The following SPAG17 variants were observed in gnomAD, a reference collection of about 807,000 sequenced individuals.
The protein encoded by SPAG17 is sperm-associated antigen 17.
SPAG17 carries 169 observed loss-of-function variants against 273.6 expected under a neutral mutation model. The observed-to-expected ratio is 0.62, with a 90% CI of 0.55 to 0.70. The LOEUF is 0.70. Among genes scored for constraint, SPAG17 ranks in the 30% least tolerant of loss-of-function variants. SPAG17 has a pLI of 0.00. For missense variants in SPAG17, 2,557 were observed against 2,627.8 expected (o/e 0.97, Z 0.59); for synonymous variants, 825 against 873.2 (o/e 0.94, Z 0.97).
Position 117,996,604 on chromosome 1 carries a change from A to T in SPAG17, c.4916T>A (p.Val1639Asp), listed in dbSNP as rs548598350. 1.2e-6 allele frequency: 2 copies of T among 1,610,320 alleles called. No individual in the cohort carries two copies. Among genetic ancestry groups the T allele is most frequent in the African/African-American group, 1.3e-5 (1 of 74,744 alleles). Residue 1639 changes from valine to aspartate, a missense_variant, in exon 33 of 49, where the codon GTC (valine) becomes GAC (aspartate). Physicochemically the swap from Val to Asp is radical, Grantham distance 152. Coordinates refer to ENST00000336338, the MANE Select transcript of SPAG17 (RefSeq NM_206996.4). Reference protein sequence around the residue: ...KNHQQIYGEHVPRFFVMYADG... With the variant: ...KNHQQIYGEHDPRFFVMYADG... The stretch of plus-strand genomic sequence containing the variant: ...TATAGTATTATTCTTTTACCTGGGG[A>T]CATGTTCACCATAGATTTGCTGATG...
intron 4 of SPAG17, among the ~76,000 whole-genome samples, chr1:118,112,133 C>T (rs1205048320): frequency 2.0e-5 from 3 of 151,180 alleles, no homozygotes; most frequent in Non-Finnish European, 4.4e-5. Flanking sequence ...TTTTAATTAT[C>T]AAGTGTTTTC....
intron 34 of SPAG17, among the ~76,000 whole-genome samples, chr1:117,995,949 A>G (rs1374109231): frequency 2.6e-5 from 4 of 152,134 alleles, no homozygotes; most frequent in African/African-American, 9.7e-5. Flanking sequence ...TCAGGTTGGC[A>G]TTATAACTCA....
At chr1:118,003,211 G>A (rs1468392660) in intron 32 of SPAG17, among the ~76,000 whole-genome samples, 1 of 152,194 alleles carries the variant, frequency 6.6e-6, no homozygotes, top group East Asian at 1.9e-4. Flanking sequence ...AGTCTGATGG[G>A]CTTCCCTTTG....
In SPAG17 at chr1:118,071,154, C is replaced by T. The variant is rs114891829; in HGVS notation, c.2385+2700G>A. Among the ~76,000 whole-genome samples the T allele has an allele frequency of 4.2e-3, 646 of 152,014 alleles. 4 individuals are homozygous for T. The highest frequency in any genetic ancestry group is 0.015 in the African/African-American group (614 of 41,468). On this transcript the variant is annotated intron_variant, in intron 17 of 48. Transcript: ENST00000336338. ...CAGTTATTGACAACCCCCCACCCCACCTCATATAGCACTTCCTATCATATT... is the reference window on the plus strand; with the variant it reads ...CAGTTATTGACAACCCCCCACCCCATCTCATATAGCACTTCCTATCATATT...
chr1:118,026,184 G>A (rs552176419), intron 26 of SPAG17, among the ~76,000 whole-genome samples: 61 of 152,068 alleles, frequency 4.0e-4, no homozygotes, highest in Non-Finnish European at 6.9e-4. Flanking sequence ...CAAAGTTAAC[G>A]TTAAAATAAT....
chr1:118,116,821 C>T (rs1657107291), intron 3 of SPAG17, among the ~76,000 whole-genome samples: 1 of 152,154 alleles, frequency 6.6e-6, no homozygotes, highest in Non-Finnish European at 1.5e-5. Context: ...AGTCAGAAAT[C>T]CCTGCAAGGA....
At chr1:118,106,993 C>T (rs573636276) in intron 4 of SPAG17, among the ~76,000 whole-genome samples, 3 of 152,226 alleles carry the variant, frequency 2.0e-5, no homozygotes, top group East Asian at 1.9e-4. Context: ...GAAAGGAGGG[C>T]GGACTACAAC....
At chr1:118,174,549 G>A (rs1305809940) in intron 1 of SPAG17, among the ~76,000 whole-genome samples, 5 of 152,158 alleles carry the variant, frequency 3.3e-5, no homozygotes, top group African/African-American at 1.2e-4. Flanking sequence ...AGTGAAAGAG[G>A]TAGAGAGATT....
chr1:118,062,051 G>A (rs1652354658), intron 18 of SPAG17, among the ~76,000 whole-genome samples: 1 of 152,120 alleles, frequency 6.6e-6, no homozygotes, highest in Non-Finnish European at 1.5e-5. Context: ...ATATATGGGT[G>A]GAAAAGGATA....
rs1369174978 is a variant in SPAG17 at position 118,041,803 on chromosome 1, C to G, written c.3054G>C (p.Pro1018=). The change falls in exon 21 of 49, where the codon CCG becomes CCC. Residue 1018 remains proline, a splice_region_variant and synonymous_variant. Transcript: ENST00000336338. ...TAAGTTTTACAGAATTGGAGTTTAC[C>G]GGGTAAGTTATCTTAGGTTCTGGTT... The part of the protein sequence containing the change: ...PHQPEPKITY[P]FHGYNMGNIP... The G allele has an allele frequency of 1.2e-6, 2 of 1,606,112 alleles. No homozygotes were observed. The highest frequency in any genetic ancestry group is 1.3e-5 in the African/African-American group (1 of 74,146).
chr1:118,165,601 C>A (rs1451762549), intron 1 of SPAG17, among the ~76,000 whole-genome samples: 1 of 145,998 alleles, frequency 6.8e-6, no homozygotes, highest in African/African-American at 2.5e-5. Flanking sequence ...TTTGACTTGA[C>A]AGTTACAGTA....
At chr1:117,974,500 A>T (rs1247346897) in intron 43 of SPAG17, among the ~76,000 whole-genome samples, 3 of 151,892 alleles carry the variant, frequency 2.0e-5, no homozygotes, top group African/African-American at 2.4e-5. Context: ...TACAACATTA[A>T]CTCTGAAAGA....
At chr1:118,006,064 T>A (rs900287312) in intron 31 of SPAG17, among the ~76,000 whole-genome samples, 1 of 152,204 alleles carries the variant, frequency 6.6e-6, no homozygotes, top group Admixed American at 6.5e-5. Context: ...CCTTAAGTAA[T>A]AGACTTCATG....
intron 5 of SPAG17, among the ~76,000 whole-genome samples, chr1:118,100,001 A>G (rs1362468352): frequency 6.6e-6 from 1 of 152,226 alleles, no homozygotes; most frequent in Non-Finnish European, 1.5e-5. Flanking sequence ...ACTATTTTAC[A>G]AAATATTAAA....
chr1:118,061,619 G>A (rs547741150), intron 18 of SPAG17, among the ~76,000 whole-genome samples: 1 of 152,244 alleles, frequency 6.6e-6, no homozygotes, highest in East Asian at 1.9e-4. Flanking sequence ...GGGATCACGT[G>A]TTCAATGTTT....
At position 118,028,373 on chromosome 1, in the gene SPAG17, G is replaced by T; in HGVS notation, c.3631C>A (p.Pro1211Thr). ...ACATCCAAAGTCTCTTGTAAAACAG[G>T]TTCTGGTTCTACTTCTTCTTCCTGT... ...EKKEEEVEPE[P>T]VLQETLDVPT... Residue 1211 changes from proline to threonine, a missense_variant, in exon 26 of 49, where the codon CCT becomes ACT. Pro to Thr is a conservative substitution (Grantham distance 38). Transcript: ENST00000336338. The T allele has an allele frequency of 6.2e-7, 1 of 1,613,752 alleles. No homozygotes were observed. The highest frequency in any genetic ancestry group is 8.5e-7 in the Non-Finnish European group (1 of 1,179,786).
chr1:118,064,754 T>C (rs551275234), intron 18 of SPAG17, among the ~76,000 whole-genome samples: 2 of 150,126 alleles, frequency 1.3e-5, no homozygotes, highest in East Asian at 1.9e-4. Flanking sequence ...AAATTAAAAA[T>C]AAAATAAAAT....
chr1:118,048,109 A>C (rs900970527), intron 20 of SPAG17, among the ~76,000 whole-genome samples: 41 of 152,208 alleles, frequency 2.7e-4, no homozygotes, highest in African/African-American at 9.4e-4. Context: ...GCTGGTGCCG[A>C]AAGCCCCAGG....
intron 48 of SPAG17, chr1:117,963,087 A>G (rs565305131): frequency 4.2e-4 from 64 of 152,346 alleles, no homozygotes; most frequent in African/African-American, 1.4e-3. Context: ...TTGGGATCCA[A>G]GCAGCCCTGG....
Sources: gnomAD v4.1 joint callset for allele counts (sites outside exome capture counted in the v4.1 genomes callset) on GRCh38, gnomAD v4.1.1 for gene constraint, MANE v1.5 for transcripts, NCBI Gene and HGNC (gene_info 2026-07-23, HGNC 2026-07-21) for gene names.